The following PRKN variants were observed in gnomAD, a reference collection of about 807,000 sequenced individuals.
PRKN encodes parkin RBR E3 ubiquitin protein ligase, also known as E3 ubiquitin-protein ligase parkin.
In PRKN, 56 loss-of-function variants were observed where a neutral mutation model predicts 59.5. The observed-to-expected ratio is 0.94, with a 90% CI of 0.76 to 1.18. PRKN has a LOEUF of 1.18. Ranked by LOEUF, PRKN falls within the 50% of genes most tolerant of loss-of-function variation. PRKN has a pLI of 0.00. For synonymous variants in PRKN, 250 were observed against 222.1 expected (o/e 1.13, Z -1.12); for missense variants, 657 against 596.4 (o/e 1.10, Z -1.06).
intron 5 of PRKN, among the ~76,000 whole-genome samples, chr6:161,984,410 A>G (rs941219434): frequency 6.6e-6 from 1 of 152,006 alleles, no homozygotes; most frequent in African/African-American, 2.4e-5. Flanking sequence ...GGCGTGTGCT[A>G]CCATGCTGGG....
At chr6:162,218,128 A>T (rs1777774743) in intron 3 of PRKN, among the ~76,000 whole-genome samples, 1 of 152,204 alleles carries the variant, frequency 6.6e-6, no homozygotes, top group Non-Finnish European at 1.5e-5. Flanking sequence ...CACAGTTCAT[A>T]AACTTTAGAG....
chr6:162,681,448 A>C (rs1429182959), intron 1 of PRKN, among the ~76,000 whole-genome samples: 1 of 152,112 alleles, frequency 6.6e-6, no homozygotes. Flanking sequence ...GGAAAACCCT[A>C]ACTTTCCACA....
chr6:162,531,698 C>T (rs550227272), intron 1 of PRKN, among the ~76,000 whole-genome samples: 1 of 152,222 alleles, frequency 6.6e-6, no homozygotes, highest in African/African-American at 2.4e-5. Context: ...TTGTAGGCTC[C>T]AGCTGCATGA....
intron 3 of PRKN, among the ~76,000 whole-genome samples, chr6:162,231,451 TCCCTAACTCCCCAAA>T (rs758841818): frequency 6.6e-6 from 1 of 152,164 alleles, no homozygotes; most frequent in Non-Finnish European, 1.5e-5. Context: ...ACAGTGGTGT[TCCCTAACTCCCCAAA>T]ATCTCTTCAG....
chr6:161,689,553 G>A lies in PRKN; in HGVS notation c.871+96219C>T, dbSNP rs144224885. On this transcript the variant is annotated intron_variant, in intron 7 of 11. Transcript: ENST00000366898. ...CGCTGGGTCATTGGGAACAGTGGGC[G>A]CATCTTGCTTCCCATGCCAGCATGC... Among the ~76,000 whole-genome samples the A allele has an allele frequency of 8.5e-5, 13 of 152,194 alleles. No homozygotes were observed. The East Asian group carries it at 1.4e-3, about 16-fold the overall frequency.
intron 4 of PRKN, among the ~76,000 whole-genome samples, chr6:162,060,312 C>A (rs1319564615): frequency 6.6e-6 from 1 of 152,132 alleles, no homozygotes; most frequent in Non-Finnish European, 1.5e-5. Context: ...GCAATTGAAT[C>A]CTGGGATTCA....
intron 5 of PRKN, among the ~76,000 whole-genome samples, chr6:162,003,472 A>G (rs1782136503): frequency 6.6e-6 from 1 of 152,142 alleles, no homozygotes; most frequent in South Asian, 2.1e-4. Context: ...TGAGCCCCAT[A>G]GCCTTGGCTC....
chr6:162,632,427 C>T (rs956791156), intron 1 of PRKN, among the ~76,000 whole-genome samples: 10 of 152,098 alleles, frequency 6.6e-5, no homozygotes, highest in East Asian at 1.9e-4. Flanking sequence ...AAATACTGCA[C>T]GTTTCACTTA....
chr6:161,585,881 A>T (rs1781504621), intron 7 of PRKN, among the ~76,000 whole-genome samples: 1 of 152,192 alleles, frequency 6.6e-6, no homozygotes, highest in South Asian at 2.1e-4. Context: ...ACTGACCTCT[A>T]CATATTTGGC....
intron 1 of PRKN, among the ~76,000 whole-genome samples, chr6:162,523,322 A>G (rs531877467): frequency 6.6e-6 from 1 of 152,276 alleles, no homozygotes; most frequent in Non-Finnish European, 1.5e-5. Flanking sequence ...GAAAGTCTCA[A>G]TGGAAGCGAT....
At chr6:162,493,890 G>A (rs1409196440) in intron 1 of PRKN, among the ~76,000 whole-genome samples, 1 of 152,126 alleles carries the variant, frequency 6.6e-6, no homozygotes, top group Non-Finnish European at 1.5e-5. Context: ...AGCCTCCTAG[G>A]CTTTGACTGG....
At chr6:161,725,091 C>A (rs371862879) in intron 7 of PRKN, among the ~76,000 whole-genome samples, 4 of 152,208 alleles carry the variant, frequency 2.6e-5, no homozygotes, top group African/African-American at 9.6e-5. Context: ...GCCTAGCAGA[C>A]GCTGGCGCCA....
intron 1 of PRKN, among the ~76,000 whole-genome samples, chr6:162,473,133 A>T (rs890105310): frequency 6.6e-6 from 1 of 152,194 alleles, no homozygotes; most frequent in South Asian, 2.1e-4. Flanking sequence ...ATCCTCATAA[A>T]ATACTAATGC....
At chr6:162,422,954 C>CAAAAAAAAA (rs61557917) in intron 2 of PRKN, among the ~76,000 whole-genome samples, 98 of 65,552 alleles carry the variant, frequency 1.5e-3, no homozygotes, top group East Asian at 3.4e-3. Context: ...TCCAAGAGAC[C>CAAAAAAAAA]AAAAAAAAAA....
intron 6 of PRKN, among the ~76,000 whole-genome samples, chr6:161,930,122 C>A (rs1779117638): frequency 1.3e-5 from 2 of 152,080 alleles, no homozygotes; most frequent in South Asian, 4.1e-4. Flanking sequence ...GGTTCCAGTC[C>A]CAGCTCAAGG....
intron 4 of PRKN, among the ~76,000 whole-genome samples, chr6:162,180,498 C>T (rs12201650): frequency 0.35 from 52,655 of 151,934 alleles, 9,247 homozygotes; most frequent in Middle Eastern, 0.49. Flanking sequence ...TATGTGTTTA[C>T]AGTCTCTTCA....
At chr6:162,316,511 T>G (rs1258408729) in intron 2 of PRKN, among the ~76,000 whole-genome samples, 3 of 152,114 alleles carry the variant, frequency 2.0e-5, no homozygotes, top group Non-Finnish European at 4.4e-5. Context: ...TAAGCTAAGT[T>G]TATCATTGCT....
chr6:162,656,594 A>C (rs73597973), intron 1 of PRKN, among the ~76,000 whole-genome samples: 3,206 of 152,274 alleles, frequency 0.021, 123 homozygotes, highest in African/African-American at 0.072. Flanking sequence ...ATAGCACATG[A>C]ATGCAAGTCT....
At chr6:161,756,240 G>T (rs527788929) in intron 7 of PRKN, among the ~76,000 whole-genome samples, 1 of 151,930 alleles carries the variant, frequency 6.6e-6, no homozygotes, top group African/African-American at 2.4e-5. Flanking sequence ...TCAGGAGTTC[G>T]AGATCACCGT....
Sources: gnomAD v4.1 joint callset for allele counts (sites outside exome capture counted in the v4.1 genomes callset) on GRCh38, gnomAD v4.1.1 for gene constraint, MANE v1.5 for transcripts, NCBI Gene and HGNC (gene_info 2026-07-23, HGNC 2026-07-21) for gene names.